The following MNDA variants were observed in gnomAD, a reference collection of about 807,000 sequenced individuals.
MNDA encodes epididymis secretory sperm binding protein.
MNDA carries 43 observed loss-of-function variants against 37.8 expected under a neutral mutation model. The observed-to-expected ratio is 1.14, with a 90% CI of 0.89 to 1.47. The LOEUF (loss-of-function observed/expected upper bound fraction) is 1.47, where lower values mean the gene tolerates loss of function less well. Ranked by LOEUF, MNDA falls within the 40% of genes most tolerant of loss-of-function variation. The pLI is 0.00. For synonymous variants in MNDA, 181 were observed against 169.0 expected (o/e 1.07, Z -0.55); for missense variants, 536 against 476.0 (o/e 1.13, Z -1.17).
intron 1 of MNDA, among the ~76,000 whole-genome samples, chr1:158,836,457 G>T (rs1289268395): frequency 1.3e-5 from 2 of 151,922 alleles, no homozygotes; most frequent in South Asian, 2.1e-4. Context: ...AAATTTGCAG[G>T]TTGTATGTTT....
chr1:158,843,982 A>T lies in MNDA; in HGVS notation c.430A>T (p.Thr144Ser). Residue 144 changes from threonine (T) to serine (S), a missense_variant, in exon 4 of 7, where the codon ACT becomes TCT. Thr to Ser is a moderately conservative substitution (Grantham distance 58, BLOSUM62 1). Coordinates refer to ENST00000368141, the MANE Select transcript of MNDA (RefSeq NM_002432.3). ...AAGAAAAACTCCAAACAAAGAAAAG[A>T]CTGAAGCCAAAAGGAATAAGGTGTC... ...QKRKTPNKEKTEAKRNKVSQE... is the reference protein window; with the variant it reads ...QKRKTPNKEKSEAKRNKVSQE... The T allele has an allele frequency of 6.2e-7, 1 of 1,601,302 alleles. No individual in the cohort carries two copies. Among genetic ancestry groups the T allele is most frequent in the Non-Finnish European group, 8.5e-7 (1 of 1,176,216 alleles).
chr1:158,845,790 G>A lies in MNDA; in HGVS notation c.774G>A (p.Glu258=). The part of the protein sequence containing the change: ...HVKVFDINLK[E]KFVRKKVITI... ...AAGTCTTCGACATCAACTTGAAAGA[G>A]AAATTTGTAAGGAAGAAGGTCATTA... Residue 258 remains glutamate, a synonymous_variant, in exon 5 of 7, where the codon GAG becomes GAA. Coordinates refer to ENST00000368141, the MANE Select transcript of MNDA (RefSeq NM_002432.3). 3 of 1,614,056 alleles carry A rather than the reference G, an allele frequency of 1.9e-6. No individual in the cohort carries two copies. Among genetic ancestry groups the A allele is most frequent in the Non-Finnish European group, 1.7e-6 (2 of 1,179,972 alleles).
intron 1 of MNDA, among the ~76,000 whole-genome samples, chr1:158,832,349 C>G (rs1658821025): frequency 6.6e-6 from 1 of 151,748 alleles, no homozygotes; most frequent in African/African-American, 2.4e-5. Flanking sequence ...CTTAAGTAAG[C>G]TTGTTAATTA....
In MNDA at chr1:158,849,229, G is replaced by A. The variant is rs768027494; in HGVS notation, c.1216G>A (p.Val406Ile). The stretch of plus-strand genomic sequence containing the variant: ...GAAAAACAAGGAAGGACCAATGAAT[G>A]TTAATTGAAATATGAAAGCTGAAAT... ...AKKNKEGPMN[V>I]N Residue 406 changes from valine (V) to isoleucine (I), a missense_variant, in exon 7 of 7, where the codon GTT (valine) becomes ATT (isoleucine). Coordinates refer to ENST00000368141, the MANE Select transcript of MNDA (RefSeq NM_002432.3). The A allele has an allele frequency of 2.5e-6, 4 of 1,611,562 alleles. No homozygotes were observed. The highest frequency in any genetic ancestry group is 2.5e-6 in the Non-Finnish European group (3 of 1,178,590).
rs373529778 is a variant in MNDA at position 158,844,030 on chromosome 1, G to A, written c.478G>A (p.Gly160Ser). ...GTCCCAAGAGCAGAGTAAGCCCCCA[G>A]GTCCCTCAGGAGCCAGCACATCTGC... Reference protein sequence around the residue: ...KVSQEQSKPPGPSGASTSAAV... With the variant: ...KVSQEQSKPPSPSGASTSAAV... The change falls in exon 4 of 7, where the codon GGT (glycine) becomes AGT (serine). Residue 160 changes from glycine (G) to serine (S), a missense_variant. Gly to Ser is a moderately conservative substitution (Grantham distance 56). Transcript: ENST00000368141. The A allele has an allele frequency of 4.5e-5, 72 of 1,613,718 alleles. No homozygotes were observed. In the East Asian group the frequency reaches 5.4e-4, roughly 12 times the overall value.
At chr1:158,846,956 T>A (rs753687610) in intron 5 of MNDA, among the ~76,000 whole-genome samples, 19 of 152,164 alleles carry the variant, frequency 1.2e-4, no homozygotes, top group Non-Finnish European at 2.9e-5. Context: ...GACAAGATAT[T>A]GGAAAAGAAT....
rs536013849 is a variant in MNDA at position 158,848,304 on chromosome 1, T to C, written c.1176+388T>C. Among the ~76,000 whole-genome samples, 3 of 152,288 alleles carry C rather than the reference T, an allele frequency of 2.0e-5. No homozygotes were observed. The South Asian group carries it at 6.2e-4, about 32-fold the overall frequency. ...GGAAGTCTCCACTTCATTGGGATGG[T>C]TTAAACATTCAGACAATGTATACAT... On this transcript the variant is annotated intron_variant, in intron 6 of 6. Coordinates refer to ENST00000368141, the MANE Select transcript of MNDA (RefSeq NM_002432.3).
chr1:158,841,652 G>A (rs1040744574), intron 1 of MNDA, among the ~76,000 whole-genome samples: 3 of 152,086 alleles, frequency 2.0e-5, no homozygotes, highest in Non-Finnish European at 4.4e-5. Context: ...CTGTAGTGCT[G>A]TGGCAGAAGG....
At position 158,842,318 on chromosome 1, in the gene MNDA, GT is replaced by G; in HGVS notation, c.167del (p.Phe56SerfsTer7). 6.2e-7 allele frequency: 1 copy of G among 1,614,154 alleles called. No individual in the cohort carries two copies. Among genetic ancestry groups the G allele is most frequent in the Non-Finnish European group, 8.5e-7 (1 of 1,180,002 alleles). Reference protein sequence around the residue: ...IKITDLMEKKFQGVACLDKLI... With the variant: ...IKITDLMEKKXQGVACLDKLI... ...AGATTACAGATTTGATGGAAAAAAA[GT>G]TCCAAGGCGTTGCCTGTCTAGACAA... On this transcript the variant is annotated frameshift_variant, in exon 2 of 7. Transcript: ENST00000368141. LOFTEE classifies it high-confidence loss of function.
chr1:158,842,005 T>C (rs1303757833), intron 1 of MNDA, 129 bp from the exon 2 acceptor site: 48 of 687,210 alleles, frequency 7.0e-5, no homozygotes, highest in Non-Finnish European at 8.6e-5. Context: ...TCTGGTAACT[T>C]AGTCCCTTTT....
At chr1:158,843,140 G>A in intron 2 of MNDA, 139 bp from the exon 3 acceptor site, 1 of 1,055,434 alleles carries the variant, frequency 9.5e-7, no homozygotes, top group East Asian at 2.7e-5. Context: ...GCCAGGCTGG[G>A]TTAATGCAGT....
Position 158,847,835 on chromosome 1 carries a change from T to C in MNDA, c.1095T>C (p.Asp365=), listed in dbSNP as rs763785179. ...ACAATATCAAGTGTGAGAAAGGAGA[T>C]AAACTTCGACTCTTCTGCCTTCAAC... ...KWHNIKCEKG[D]KLRLFCLQLR... Residue 365 remains aspartate (D), a synonymous_variant, in exon 6 of 7, where the codon GAT becomes GAC. Transcript: ENST00000368141. The C allele has an allele frequency of 3.1e-6, 5 of 1,614,090 alleles. No individual in the cohort carries two copies. Among genetic ancestry groups the C allele is most frequent in the Admixed American group, 1.7e-5 (1 of 60,028 alleles).
intron 5 of MNDA, 124 bp downstream of exon 5, chr1:158,846,127 G>A (rs1355047613): frequency 1.1e-6 from 1 of 940,694 alleles, no homozygotes; most frequent in Non-Finnish European, 1.6e-6. Flanking sequence ...TAGTGATGAA[G>A]TTGTCCCACA....
chr1:158,843,805 C>A, intron 3 of MNDA, 150 bp from the exon 4 acceptor site: 1 of 683,744 alleles, frequency 1.5e-6, no homozygotes. Context: ...TTGTCCATAT[C>A]TTCAAGTGAC....
chr1:158,836,141 T>TAA (rs112966169), intron 1 of MNDA, among the ~76,000 whole-genome samples: 6,774 of 150,198 alleles, frequency 0.045, 289 homozygotes, highest in East Asian at 0.15. Flanking sequence ...TAGCATTTTG[T>TAA]AAAAAAAAAA....
At chr1:158,846,713 T>C (rs377693417) in intron 5 of MNDA, among the ~76,000 whole-genome samples, 2 of 152,202 alleles carry the variant, frequency 1.3e-5, no homozygotes, top group East Asian at 3.8e-4. Context: ...TCCATCCCTT[T>C]CTCCACTCTA....
chr1:158,847,960 T>C (rs756293209), intron 6 of MNDA, 44 bp downstream of exon 6: 1 of 1,569,712 alleles, frequency 6.4e-7, no homozygotes, highest in Non-Finnish European at 8.7e-7. Flanking sequence ...AAGAGGCAAA[T>C]AATTTTGCTT....
chr1:158,844,014 G>A lies in MNDA; in HGVS notation c.462G>A (p.Glu154=). The A allele has an allele frequency of 6.2e-7, 1 of 1,613,732 alleles. No individual in the cohort carries two copies. The change falls in exon 4 of 7, where the codon GAG becomes GAA. Residue 154 remains glutamate, a synonymous_variant. Transcript: ENST00000368141. ...CCAAAAGGAATAAGGTGTCCCAAGA[G>A]CAGAGTAAGCCCCCAGGTCCCTCAG... is the stretch of plus-strand genomic sequence containing the variant. ...TEAKRNKVSQ[E]QSKPPGPSGA...
At chr1:158,836,501 G>T (rs1436896890) in intron 1 of MNDA, among the ~76,000 whole-genome samples, 1 of 151,758 alleles carries the variant, frequency 6.6e-6, no homozygotes, top group African/African-American at 2.4e-5. Context: ...TTTCATTTAG[G>T]TTATCCCACT....
Sources: gnomAD v4.1 joint callset for allele counts (sites outside exome capture counted in the v4.1 genomes callset) on GRCh38, gnomAD v4.1.1 for gene constraint, MANE v1.5 for transcripts, NCBI Gene and HGNC (gene_info 2026-07-23, HGNC 2026-07-21) for gene names.